DPYD: variants seen among roughly 807,000 people sequenced by gnomAD.
DPYD encodes the protein dihydropyrimidine dehydrogenase.
In DPYD, 109 loss-of-function variants were observed where a neutral mutation model predicts 116.2. The observed-to-expected ratio is 0.94, with a 90% confidence interval of 0.80 to 1.10. The LOEUF is 1.10. Among genes scored for constraint, DPYD ranks in the 50% least tolerant of loss-of-function variants. DPYD has a pLI of 0.00. For missense variants in DPYD, 1,302 were observed against 1,254.5 expected (o/e 1.04, Z -0.57); for synonymous variants, 440 against 432.0 (o/e 1.02, Z -0.23).
chr1:97,357,650 G>T (rs1670492828), intron 16 of DPYD, among the ~76,000 whole-genome samples: 1 of 152,060 alleles, frequency 6.6e-6, no homozygotes, highest in African/African-American at 2.4e-5. Flanking sequence ...ACTGCATATT[G>T]TACCCATTAA....
intron 18 of DPYD, among the ~76,000 whole-genome samples, chr1:97,259,249 C>T (rs1015263812): frequency 6.6e-6 from 1 of 152,050 alleles, no homozygotes; most frequent in African/African-American, 2.4e-5. Context: ...ATGCTGACTA[C>T]TAGAAAGAGT....
intron 18 of DPYD, among the ~76,000 whole-genome samples, chr1:97,285,282 C>T (rs6593642): frequency 0.59 from 90,412 of 151,980 alleles, 27,113 homozygotes; most frequent in South Asian, 0.71. Flanking sequence ...ACTGCTTGCT[C>T]GCAGAAACGA....
chr1:97,473,497 A>C (rs1274030379), intron 13 of DPYD, among the ~76,000 whole-genome samples: 4 of 152,138 alleles, frequency 2.6e-5, no homozygotes, highest in Non-Finnish European at 4.4e-5. Flanking sequence ...GATTCTTCCA[A>C]AGAAGATTCA....
At chr1:97,523,310 A>T (rs1344699880) in intron 12 of DPYD, among the ~76,000 whole-genome samples, 1 of 152,190 alleles carries the variant, frequency 6.6e-6, no homozygotes, top group Non-Finnish European at 1.5e-5. Context: ...AGGATGTTTA[A>T]AGACTATTTT....
At chr1:97,661,816 C>T (rs1284067219) in intron 8 of DPYD, among the ~76,000 whole-genome samples, 1 of 151,824 alleles carries the variant, frequency 6.6e-6, no homozygotes, top group Non-Finnish European at 1.5e-5. Flanking sequence ...CTTTTTAAAA[C>T]TCCCCAATCT....
chr1:97,695,592 G>T (rs1490795235), intron 6 of DPYD, among the ~76,000 whole-genome samples: 1 of 149,974 alleles, frequency 6.7e-6, no homozygotes, highest in South Asian at 2.1e-4. Context: ...TTAAGTGATC[G>T]ATATATATAT....
chr1:97,084,572 T>A (rs1439875834), intron 21 of DPYD, among the ~76,000 whole-genome samples: 1 of 152,142 alleles, frequency 6.6e-6, no homozygotes, highest in African/African-American at 2.4e-5. Context: ...GTTCTTAATA[T>A]ATTTCAGGCC....
At chr1:97,765,511 T>C (rs531945673) in intron 3 of DPYD, among the ~76,000 whole-genome samples, 1 of 152,116 alleles carries the variant, frequency 6.6e-6, no homozygotes, top group Non-Finnish European at 1.5e-5. Flanking sequence ...CCATATTCCA[T>C]TTTTACTTAA....
intron 19 of DPYD, among the ~76,000 whole-genome samples, chr1:97,229,927 A>G (rs1360411523): frequency 6.6e-6 from 1 of 152,134 alleles, no homozygotes; most frequent in East Asian, 1.9e-4. Flanking sequence ...GAATCCTTGT[A>G]TCCCCTCTTC....
chr1:97,745,891 A>AC (rs1192562750), intron 3 of DPYD, among the ~76,000 whole-genome samples: 1 of 152,098 alleles, frequency 6.6e-6, no homozygotes, highest in Admixed American at 6.6e-5. Context: ...TCTCTTGATG[A>AC]CATCAGTGCC....
At chr1:97,592,523 C>G (rs553760901) in intron 10 of DPYD, among the ~76,000 whole-genome samples, 7 of 152,096 alleles carry the variant, frequency 4.6e-5, no homozygotes, top group Non-Finnish European at 8.8e-5. Context: ...CCCACCACCA[C>G]GCCCGGCTAA....
intron 21 of DPYD, among the ~76,000 whole-genome samples, chr1:97,087,654 T>A (rs1003570201): frequency 3.9e-5 from 6 of 152,186 alleles, no homozygotes; most frequent in Non-Finnish European, 5.9e-5. Context: ...ACTGTATTTT[T>A]TCTATCTGGG....
chr1:97,209,659 C>T (rs939515127), intron 19 of DPYD, among the ~76,000 whole-genome samples: 5 of 152,046 alleles, frequency 3.3e-5, no homozygotes, highest in South Asian at 4.1e-4. Flanking sequence ...TTAATATCCA[C>T]GATGTACTGA....
At chr1:97,893,129 T>C (rs1672858234) in intron 1 of DPYD, among the ~76,000 whole-genome samples, 2 of 151,756 alleles carry the variant, frequency 1.3e-5, no homozygotes, top group Admixed American at 1.3e-4. Context: ...TGTATACTCA[T>C]ATTCCTATAT....
chr1:97,497,909 A>C (rs1455769738), intron 13 of DPYD, among the ~76,000 whole-genome samples: 2 of 151,818 alleles, frequency 1.3e-5, no homozygotes, highest in Admixed American at 1.3e-4. Flanking sequence ...TAATAGGTAA[A>C]AGTAGAAAAA....
chr1:97,795,735 T>C (rs543720767), intron 3 of DPYD, among the ~76,000 whole-genome samples: 1 of 152,048 alleles, frequency 6.6e-6, no homozygotes, highest in Non-Finnish European at 1.5e-5. Context: ...TTAATTAACA[T>C]ATACATATAC....
intron 14 of DPYD, among the ~76,000 whole-genome samples, chr1:97,407,534 C>T (rs988920412): frequency 6.6e-6 from 1 of 152,134 alleles, no homozygotes; most frequent in Non-Finnish European, 1.5e-5. Flanking sequence ...TGGCCAGAAA[C>T]TCATCAGCCT....
At chr1:97,654,862 G>T (rs971966095) in intron 8 of DPYD, among the ~76,000 whole-genome samples, 5 of 152,208 alleles carry the variant, frequency 3.3e-5, no homozygotes, top group Middle Eastern at 3.4e-3. Flanking sequence ...ATGTGGCTGG[G>T]GAGGCCTCAC....
intron 4 of DPYD, among the ~76,000 whole-genome samples, chr1:97,724,953 A>AAGAGAGAGAGAGAGAGAGAGAGAG (rs71590231): frequency 8.4e-6 from 1 of 118,826 alleles, no homozygotes; most frequent in African/African-American, 3.3e-5. Context: ...GAGGGAAGGA[A>AAGAGAGAGAGAGAGAGAGAGAGAG]AGAGAGAGAG....
Sources: allele counts gnomAD v4.1 joint callset (sites outside exome capture counted in the v4.1 genomes callset), GRCh38; gene constraint gnomAD v4.1.1; transcripts MANE v1.5; gene names NCBI Gene and HGNC (gene_info 2026-07-23, HGNC 2026-07-21).